The following CDKAL1 variants were observed in gnomAD, a reference collection of about 807,000 sequenced individuals.
The protein encoded by CDKAL1 is CDKAL1 threonylcarbamoyladenosine tRNA methylthiotransferase, also known as threonylcarbamoyladenosine tRNA methylthiotransferase.
In CDKAL1, 32 loss-of-function variants were observed where a neutral mutation model predicts 68.2. That is an observed-to-expected ratio of 0.47 (90% CI 0.35 to 0.63). CDKAL1 has a LOEUF of 0.63. Among genes scored for constraint, CDKAL1 ranks in the 30% least tolerant of loss-of-function variants. CDKAL1 has a pLI of 0.00. For missense variants in CDKAL1, 606 were observed against 696.7 expected (o/e 0.87, Z 1.47); for synonymous variants, 234 against 244.3 (o/e 0.96, Z 0.39).
In CDKAL1 at chr6:20,781,205, G is replaced by A. The variant is rs199728033; in HGVS notation, c.578G>A (p.Arg193Gln). Residue 193 changes from arginine (R) to glutamine (Q), a missense_variant, in exon 8 of 16, where the codon CGA becomes CAA. Transcript: ENST00000274695. Reference sequence around the variant, plus strand: ...AATGGAAGGCGGCTTGGGGGAGCACGATTGGATTTGCCGAAGATTAGGAAG... The same window carrying A: ...AATGGAAGGCGGCTTGGGGGAGCACAATTGGATTTGCCGAAGATTAGGAAG... ...KDNGRRLGGA[R>Q]LDLPKIRKNP... 12 of 1,613,730 alleles carry A rather than the reference G, an allele frequency of 7.4e-6. No homozygotes were observed. The highest frequency in any genetic ancestry group is 4.5e-5 in the East Asian group (2 of 44,864).
intron 4 of CDKAL1, among the ~76,000 whole-genome samples, chr6:20,587,487 C>G (rs1011275152): frequency 6.6e-6 from 1 of 151,988 alleles, no homozygotes; most frequent in African/African-American, 2.4e-5. Context: ...AATCCCAGCA[C>G]TTTGAGAGGC....
intron 9 of CDKAL1, among the ~76,000 whole-genome samples, chr6:20,897,801 AT>A (rs1406635967): frequency 1.3e-5 from 2 of 152,128 alleles, no homozygotes; most frequent in African/African-American, 2.4e-5. Flanking sequence ...CATTATCTTT[AT>A]TTCCTACAGT....
intron 8 of CDKAL1, among the ~76,000 whole-genome samples, chr6:20,789,079 G>A (rs533136404): frequency 6.6e-6 from 1 of 152,312 alleles, no homozygotes; most frequent in African/African-American, 2.4e-5. Context: ...AAGAGAATAT[G>A]ATAGTTTGGA....
intron 15 of CDKAL1, among the ~76,000 whole-genome samples, chr6:21,211,320 T>C (rs979065828): frequency 1.3e-5 from 2 of 152,198 alleles, no homozygotes. Context: ...TGAAGTCAAA[T>C]AGGATTTATA....
At chr6:20,716,826 T>G (rs1772119461) in intron 5 of CDKAL1, among the ~76,000 whole-genome samples, 2 of 151,266 alleles carry the variant, frequency 1.3e-5, no homozygotes, top group Non-Finnish European at 2.9e-5. Context: ...GTGCTGTAGA[T>G]GGTGTGTAAA....
chr6:20,600,615 C>G (rs1254731683), intron 4 of CDKAL1, among the ~76,000 whole-genome samples: 1 of 151,078 alleles, frequency 6.6e-6, no homozygotes, highest in African/African-American at 2.4e-5. Context: ...TTTTTTAATC[C>G]TATGAGTGGT....
intron 11 of CDKAL1, among the ~76,000 whole-genome samples, chr6:21,007,114 A>G (rs748052257): frequency 3.9e-5 from 6 of 152,114 alleles, no homozygotes; most frequent in Non-Finnish European, 7.4e-5. Context: ...TGCATTTTAT[A>G]AAACAAATGT....
At chr6:20,997,694 A>C (rs901134389) in intron 10 of CDKAL1, among the ~76,000 whole-genome samples, 1 of 152,152 alleles carries the variant, frequency 6.6e-6, no homozygotes, top group Admixed American at 6.5e-5. Context: ...GAGAAACTGC[A>C]CCACCCTCTC....
intron 7 of CDKAL1, among the ~76,000 whole-genome samples, chr6:20,771,463 A>T (rs1170054909): frequency 6.6e-6 from 1 of 152,166 alleles, no homozygotes; most frequent in Non-Finnish European, 1.5e-5. Flanking sequence ...AGATACATAG[A>T]TGGGAAAATT....
At chr6:21,079,062 T>C (rs575675944) in intron 12 of CDKAL1, among the ~76,000 whole-genome samples, 1 of 152,232 alleles carries the variant, frequency 6.6e-6, no homozygotes, top group East Asian at 1.9e-4. Context: ...AGAATGGCTG[T>C]TACAGGGGCG....
At chr6:20,874,954 A>G (rs1253471617) in intron 9 of CDKAL1, among the ~76,000 whole-genome samples, 2 of 152,284 alleles carry the variant, frequency 1.3e-5, no homozygotes, top group East Asian at 3.9e-4. Context: ...TGTGTCAAAA[A>G]ACTTGAGATA....
intron 9 of CDKAL1, among the ~76,000 whole-genome samples, chr6:20,902,652 A>G (rs1451685916): frequency 6.6e-6 from 1 of 152,230 alleles, no homozygotes; most frequent in South Asian, 2.1e-4. Flanking sequence ...TTATCTACAT[A>G]TAGATTATAT....
chr6:20,846,291 C>A, intron 9 of CDKAL1, 113 bp downstream of exon 9: 1 of 627,988 alleles, frequency 1.6e-6, no homozygotes, highest in Non-Finnish European at 2.8e-6. Context: ...AAGAGTTTTA[C>A]AAATATACGA....
chr6:20,548,566 T>A lies in CDKAL1; in HGVS notation c.174-27T>A, dbSNP rs1445918681. On this transcript the variant is annotated intron_variant, in intron 3 of 15. Transcript: ENST00000274695. Reference sequence around the variant, plus strand: ...AAAAAATCACTCAATGAAACTTACTTTTTTTTTTTTATTGATTCCTTAACA... The same window carrying A: ...AAAAAATCACTCAATGAAACTTACTATTTTTTTTTTATTGATTCCTTAACA... 3.0e-6 allele frequency: 3 copies of A among 1,016,770 alleles called. No homozygotes were observed. The Admixed American group carries it at 6.4e-5, about 22-fold the overall frequency. 63.0% of individuals were successfully genotyped at this position (1,016,770 alleles called of 1,614,324 possible). A position where few individuals can be genotyped will look rare whatever the true frequency, so the allele number is the denominator to read the frequency against.
intron 12 of CDKAL1, among the ~76,000 whole-genome samples, chr6:21,077,028 T>C (rs1250618924): frequency 6.6e-6 from 1 of 152,192 alleles, no homozygotes; most frequent in Non-Finnish European, 1.5e-5. Flanking sequence ...TGGGTTTTTA[T>C]ACAGAGGATA....
intron 8 of CDKAL1, among the ~76,000 whole-genome samples, chr6:20,833,897 C>G (rs1250796025): frequency 6.6e-6 from 1 of 152,082 alleles, no homozygotes; most frequent in African/African-American, 2.4e-5. Flanking sequence ...AACAGTGGTT[C>G]TCGGCATGGT....
chr6:20,857,106 G>A (rs1010992546), intron 9 of CDKAL1, among the ~76,000 whole-genome samples: 1 of 152,058 alleles, frequency 6.6e-6, no homozygotes, highest in Non-Finnish European at 1.5e-5. Context: ...GAGGTTATAC[G>A]TTTCTGTATT....
At chr6:20,785,430 C>T (rs1226102425) in intron 8 of CDKAL1, among the ~76,000 whole-genome samples, 1 of 151,078 alleles carries the variant, frequency 6.6e-6, no homozygotes, top group Non-Finnish European at 1.5e-5. Flanking sequence ...ATTCTTCTGC[C>T]TCAGCCTCCT....
chr6:21,151,008 C>A (rs1776389003), intron 13 of CDKAL1, among the ~76,000 whole-genome samples: 1 of 152,152 alleles, frequency 6.6e-6, no homozygotes, highest in Non-Finnish European at 1.5e-5. Flanking sequence ...CTGATCTTAG[C>A]CTACAAAAGA....
Sources: allele counts gnomAD v4.1 joint callset (sites outside exome capture counted in the v4.1 genomes callset), GRCh38; gene constraint gnomAD v4.1.1; transcripts MANE v1.5; gene names NCBI Gene and HGNC (gene_info 2026-07-23, HGNC 2026-07-21).